The following NCOA6 variants were observed in gnomAD, a reference collection of about 807,000 sequenced individuals.
NCOA6 encodes the protein nuclear receptor coactivator 6.
In NCOA6, 49 loss-of-function variants were observed where a neutral mutation model predicts 171.4. The ratio of observed to expected loss-of-function variants is 0.29; its 90% confidence interval spans 0.23 to 0.36. The LOEUF (loss-of-function observed/expected upper bound fraction) is 0.36. Among genes scored for constraint, NCOA6 ranks in the 10% least tolerant of loss-of-function variants. The pLI is 1.00. For missense variants in NCOA6, 2,248 were observed against 2,554.5 expected (o/e 0.88, Z 2.59); for synonymous variants, 910 against 927.5 (o/e 0.98, Z 0.34).
At chr20:34,715,492 G>T (rs2146848909) in intron 14 of NCOA6, 127 bp from the exon 15 acceptor site, 2 of 684,198 alleles carry the variant, frequency 2.9e-6, no homozygotes, top group Non-Finnish European at 5.3e-6. Context: ...TCTAAGGGGT[G>T]CTCTGAATGG....
In NCOA6 at chr20:34,715,497, G is replaced by A. The variant is rs1308918652; in HGVS notation, c.6149-132C>T. On this transcript the variant is annotated intron_variant, in intron 14 of 14. Transcript: ENST00000359003. ...TCAGAATCTGTCTAAGGGGTGCTCTGAATGGAGAGAGTCACAGGCTTTGCT... is the reference window on the plus strand; with the variant it reads ...TCAGAATCTGTCTAAGGGGTGCTCTAAATGGAGAGAGTCACAGGCTTTGCT... 4.5e-6 allele frequency: 3 copies of A among 665,540 alleles called. No homozygotes were observed. In the African/African-American group the frequency reaches 5.4e-5, roughly 12 times the overall value. The allele number at this position is 665,540 out of a possible 1,614,324, so 41.2% of individuals were successfully genotyped here.
chr20:34,782,091 C>G (rs1024698888), intron 3 of NCOA6, 30 bp downstream of exon 3: 1 of 1,431,906 alleles, frequency 7.0e-7, no homozygotes, highest in South Asian at 1.3e-5. Flanking sequence ...AAAACAGTAA[C>G]AGGAAGAAAA....
chr20:34,824,912 C>A (rs1267002728), intron 1 of NCOA6, among the ~76,000 whole-genome samples: 1 of 152,136 alleles, frequency 6.6e-6, no homozygotes, highest in African/African-American at 2.4e-5. Context: ...CAGCAAAGAA[C>A]TGCTCCAGCC....
At chr20:34,805,920 T>C (rs2078434122) in intron 1 of NCOA6, among the ~76,000 whole-genome samples, 1 of 152,050 alleles carries the variant, frequency 6.6e-6, no homozygotes, top group South Asian at 2.1e-4. Flanking sequence ...ACTCCTGACC[T>C]TGTGATCCAC....
chr20:34,778,584 TGCC>T (rs1374749990), intron 3 of NCOA6, among the ~76,000 whole-genome samples: 1 of 151,214 alleles, frequency 6.6e-6, no homozygotes, highest in Non-Finnish European at 1.5e-5. Context: ...CCTGCCACCA[TGCC>T]CGGCTAATTT....
At chr20:34,807,122 G>A (rs1274530771) in intron 1 of NCOA6, among the ~76,000 whole-genome samples, 1 of 152,160 alleles carries the variant, frequency 6.6e-6, no homozygotes. Context: ...CATCTTCCTA[G>A]GAGACTTGCT....
chr20:34,813,533 T>C (rs1241493750), intron 1 of NCOA6, among the ~76,000 whole-genome samples: 1 of 152,042 alleles, frequency 6.6e-6, no homozygotes, highest in Non-Finnish European at 1.5e-5. Context: ...TTAGATAATA[T>C]TAAGAAATTA....
intron 1 of NCOA6, among the ~76,000 whole-genome samples, chr20:34,807,363 C>A (rs1171732537): frequency 2.0e-5 from 3 of 152,190 alleles, no homozygotes; most frequent in African/African-American, 7.2e-5. Flanking sequence ...GACCCTGAAA[C>A]AGAAGACCCA....
In NCOA6 at chr20:34,718,906, GC is replaced by G. The variant is rs61399454; in HGVS notation, c.6149-3542del. Among the ~76,000 whole-genome samples the G allele has an allele frequency of 1.7e-3, 256 of 152,274 alleles. 3 individuals carry two copies. In the East Asian group the frequency reaches 0.022, roughly 13 times the overall value. ...TGTGATTGGCACGCTGTTCCTAAAG[GC>G]TGCCTGGCCTGACTGTGAACCTACC... On this transcript the variant is annotated intron_variant, in intron 14 of 14. Coordinates refer to ENST00000359003, the MANE Select transcript of NCOA6 (RefSeq NM_014071.5).
rs753744643 is a variant in NCOA6, at chr20:34,757,435, C to T, written c.1313G>A (p.Gly438Glu). The T allele has an allele frequency of 1.5e-4, 246 of 1,613,400 alleles. 1 individual carries two copies. In the Admixed American group the frequency reaches 4.0e-3, roughly 26 times the overall value. The part of the protein sequence containing the change: ...PASSPSSFQQ[G>E]SPASSPTVNQ... ...AACCGTTGGGGAGGATGCAGGGGAT[C>T]CCTGCTGGAAGGAGGAGGGTGAGGA... Residue 438 changes from glycine to glutamate, a missense_variant, in exon 7 of 15, where the codon GGA becomes GAA. By Grantham distance (98) the Gly-to-Glu change is moderately conservative. Coordinates refer to ENST00000359003, the MANE Select transcript of NCOA6 (RefSeq NM_014071.5).
At chr20:34,723,309 C>A (rs553106218) in intron 14 of NCOA6, among the ~76,000 whole-genome samples, 10 of 152,182 alleles carry the variant, frequency 6.6e-5, no homozygotes, top group African/African-American at 2.4e-4. Flanking sequence ...GTGTCTGAGG[C>A]AGAACTGATG....
chr20:34,752,644 G>C (rs1190307374), intron 8 of NCOA6, among the ~76,000 whole-genome samples: 1 of 152,000 alleles, frequency 6.6e-6, no homozygotes, highest in Non-Finnish European at 1.5e-5. Flanking sequence ...ACATGTACAC[G>C]TGGGCCGGGC....
intron 1 of NCOA6, among the ~76,000 whole-genome samples, chr20:34,814,716 C>T (rs1361065628): frequency 6.6e-6 from 1 of 152,114 alleles, no homozygotes; most frequent in African/African-American, 2.4e-5. Context: ...CTGAGCCTCC[C>T]AAGTAGCTGG....
chr20:34,755,165 G>C (rs1418352263), intron 7 of NCOA6, among the ~76,000 whole-genome samples: 1 of 152,172 alleles, frequency 6.6e-6, no homozygotes, highest in Non-Finnish European at 1.5e-5. Flanking sequence ...GCCACAGCAA[G>C]GTTTGAGGGC....
chr20:34,757,849 T>C lies in NCOA6; in HGVS notation c.899A>G (p.Gln300Arg), dbSNP rs753209319. The C allele has an allele frequency of 3.3e-5, 54 of 1,614,078 alleles. No homozygotes were observed. Among genetic ancestry groups the C allele is most frequent in the Non-Finnish European group, 4.3e-5 (51 of 1,180,050 alleles). ...GGCAGTAAACTGGGGTCGAATTCCCTGTGGCTGTTGCTGCTGATGTTGCTG... is the reference window on the plus strand; with the variant it reads ...GGCAGTAAACTGGGGTCGAATTCCCCGTGGCTGTTGCTGCTGATGTTGCTG... ...PPQQHQQQQP[Q>R]GIRPQFTAPT... The change falls in exon 7 of 15, where the codon CAG becomes CGG. Residue 300 changes from glutamine (Q) to arginine (R), a missense_variant. Physicochemically the swap from Gln to Arg is conservative, Grantham distance 43 (BLOSUM62 1). Coordinates refer to ENST00000359003, the MANE Select transcript of NCOA6 (RefSeq NM_014071.5).
intron 1 of NCOA6, among the ~76,000 whole-genome samples, chr20:34,808,247 ACT>A (rs1161896993): frequency 6.6e-6 from 1 of 151,858 alleles, no homozygotes; most frequent in Non-Finnish European, 1.5e-5. Context: ...CTTCCCTGGA[ACT>A]CTGCCCAGCC....
chr20:34,767,320 AGAGTCTCAC>A (rs2077008900), intron 5 of NCOA6, among the ~76,000 whole-genome samples: 2 of 152,166 alleles, frequency 1.3e-5, no homozygotes, highest in Non-Finnish European at 1.5e-5. Context: ...GTTTTGAGAT[AGAGTCTCAC>A]TCTGTTGCCC....
intron 8 of NCOA6, among the ~76,000 whole-genome samples, chr20:34,754,142 T>C: frequency 6.6e-6 from 1 of 152,208 alleles, no homozygotes; most frequent in Admixed American, 6.5e-5. Flanking sequence ...ATTCAGACAC[T>C]CAGCATAAAC....
chr20:34,824,544 T>TTGG (rs2079096751), intron 1 of NCOA6, among the ~76,000 whole-genome samples: 1 of 152,166 alleles, frequency 6.6e-6, no homozygotes, highest in African/African-American at 2.4e-5. Flanking sequence ...GAAGACACCT[T>TTGG]GGGTCACCGC....
Sources: gnomAD v4.1 joint callset for allele counts (sites outside exome capture counted in the v4.1 genomes callset) on GRCh38, gnomAD v4.1.1 for gene constraint, MANE v1.5 for transcripts, NCBI Gene and HGNC (gene_info 2026-07-23, HGNC 2026-07-21) for gene names.